MATN4: variants seen among roughly 807,000 people sequenced by gnomAD.
MATN4 encodes matrilin 4, also known as matrilin-4.
Under a neutral mutation model 54.6 loss-of-function variants are expected in MATN4, and 40 were observed. The observed-to-expected ratio is 0.73, with a 90% CI of 0.57 to 0.95. MATN4 has a LOEUF of 0.95. Among genes scored for constraint, MATN4 ranks in the 40% least tolerant of loss-of-function variants. The pLI, the probability that MATN4 is intolerant of heterozygous loss-of-function variation, is 0.00. For missense variants in MATN4, 810 were observed against 819.1 expected (o/e 0.99, Z 0.13); for synonymous variants, 351 against 345.3 (o/e 1.02, Z -0.18).
chr20:45,305,259 T>G (rs1473087647), intron 2 of MATN4, among the ~76,000 whole-genome samples: 3 of 152,092 alleles, frequency 2.0e-5, no homozygotes, highest in Non-Finnish European at 2.9e-5. Flanking sequence ...AATTTCCTGG[T>G]TTTTTTCCAT....
chr20:45,294,001 C>T lies in MATN4; in HGVS notation c.1594G>A (p.Ala532Thr), dbSNP rs1262980597. The T allele has an allele frequency of 1.2e-6, 2 of 1,601,840 alleles. No homozygotes were observed. Among genetic ancestry groups the T allele is most frequent in the East Asian group, 2.2e-5 (1 of 44,826 alleles). The change falls in exon 9 of 10, where the codon GCA (alanine) becomes ACA (threonine). Residue 532 changes from alanine (A) to threonine (T), a missense_variant. By Grantham distance (58) the Ala-to-Thr change is moderately conservative. Transcript: ENST00000372756. ...CATGGGCTCCGAAGCTCTGTCCCTG[C>T]GCTGATGCCCTCCTCTGCAAGCCGG... ...GSICPEEGIS[A>T]GTELRSPCEC...
At position 45,306,916 on chromosome 20, in the gene MATN4, A is replaced by C. The variant is rs760141710; in HGVS notation, c.-35+1259T>G. ...CGGGTGAGCGGCTGGGGCCCCGTGG[A>C]GCCACCATGGACCCCGCAGGGGCAG... On this transcript the variant is annotated intron_variant, in intron 1 of 9. Coordinates refer to ENST00000372756, the MANE Select transcript of MATN4 (RefSeq NM_001393530.1). 4 of 1,256,060 alleles carry C rather than the reference A, an allele frequency of 3.2e-6. No homozygotes were observed. The African/African-American group carries it at 4.6e-5, about 15-fold the overall frequency. The allele number at this position is 1,256,060 out of a possible 1,614,324, so 77.8% of individuals were successfully genotyped here. A position where few individuals can be genotyped will look rare whatever the true frequency, so the allele number is the denominator to read the frequency against.
In MATN4 at chr20:45,305,620, G is replaced by GA. The variant is rs1361318902; in HGVS notation, c.-34-5dup. The GA allele has an allele frequency of 6.9e-7, 1 of 1,439,088 alleles. No individual in the cohort carries two copies. The highest frequency in any genetic ancestry group is 9.6e-7 in the Non-Finnish European group (1 of 1,044,868). The allele number at this position is 1,439,088 out of a possible 1,614,324, so 89.1% of individuals were successfully genotyped here. ...CAGAGAATGGAGGTGTCAGAGCCTG[G>GA]AGGGAGGAAGGAAAATAGAAAAGCA... On this transcript the variant is annotated splice_region_variant and splice_polypyrimidine_tract_variant and intron_variant, in intron 1 of 9. Coordinates refer to ENST00000372756, the MANE Select transcript of MATN4 (RefSeq NM_001393530.1).
chr20:45,298,027 C>A lies in MATN4; in HGVS notation c.1470G>T (p.Ala490=). 6.2e-7 allele frequency: 1 copy of A among 1,613,914 alleles called. No individual in the cohort carries two copies. The highest frequency in any genetic ancestry group is 8.5e-7 in the Non-Finnish European group (1 of 1,179,948). ...YAVGVGKAVE[A]ELREIASEPA... is the part of the protein sequence containing the mutation. ...GCTCCGAGGCGATCTCGCGCAGCTC[C>A]GCCTCCACCGCCTTGCCCACGCCCA... Residue 490 remains alanine, a synonymous_variant, in exon 8 of 10, where the codon GCG becomes GCT. Transcript: ENST00000372756. This position sits in a 1 kb window ranked among gnomAD's most constrained non-coding sequence, Gnocchi z 4.6.
chr20:45,295,587 C>A (rs886352056), intron 8 of MATN4, among the ~76,000 whole-genome samples: 3 of 152,126 alleles, frequency 2.0e-5, no homozygotes, highest in African/African-American at 7.2e-5. Context: ...CGGGGTTTCA[C>A]TGTGTTAGCC....
rs538644436 is a variant in MATN4 at position 45,293,453 on chromosome 20, A to G, written c.*314T>C. On this transcript the variant is annotated 3_prime_UTR_variant, in exon 10 of 10. Transcript: ENST00000372756. ...CAAGACCCAAAAACGGACCCCGTGG[A>G]AATCAGTTTTTTTTATTTTTTTAAG... 5.0e-3 allele frequency: 1,543 copies of G among 306,404 alleles called. 10 individuals are homozygous for G. The highest frequency in any genetic ancestry group is 5.7e-3 in the Non-Finnish European group (959 of 168,826). 19.0% of individuals were successfully genotyped at this position (306,404 alleles called of 1,614,324 possible).
chr20:45,299,980 GGTGT>G (rs55652446), intron 6 of MATN4, among the ~76,000 whole-genome samples: 23 of 114,790 alleles, frequency 2.0e-4, no homozygotes, highest in Middle Eastern at 5.7e-3. Flanking sequence ...TGTGTGTAGG[GGTGT>G]GTGTGTGTGT....
chr20:45,308,260 G>C lies in MATN4; in HGVS notation c.-120C>G, dbSNP rs1343488138. On this transcript the variant is annotated 5_prime_UTR_variant, in exon 1 of 10. Coordinates refer to ENST00000372756, the MANE Select transcript of MATN4 (RefSeq NM_001393530.1). The stretch of plus-strand genomic sequence containing the variant: ...CCGGGCACTTGGACCAGGTAACGGC[G>C]GCGTGGCAGCGTGCCCTAGGTGGGG... 1 of 1,590,172 alleles carries C rather than the reference G, an allele frequency of 6.3e-7. No homozygotes were observed. The highest frequency in any genetic ancestry group is 8.6e-7 in the Non-Finnish European group (1 of 1,158,496).
intron 8 of MATN4, 102 bp from the exon 9 acceptor site, chr20:45,294,117 AT>A: frequency 1.1e-6 from 1 of 884,586 alleles, no homozygotes; most frequent in Non-Finnish European, 1.7e-6. Context: ...TGGGCTTTGG[AT>A]TTAGAGAGAC....
At chr20:45,304,184 T>C in intron 3 of MATN4, 44 bp downstream of exon 3, 5 of 1,417,116 alleles carry the variant, frequency 3.5e-6, no homozygotes, top group Non-Finnish European at 4.7e-6. Context: ...TCCAAGCATT[T>C]GGATTGAGAG....
rs1052398347 is a variant in MATN4 at position 45,308,238 on chromosome 20, G to C, written c.-98C>G. On this transcript the variant is annotated 5_prime_UTR_variant, in exon 1 of 10. Coordinates refer to ENST00000372756, the MANE Select transcript of MATN4 (RefSeq NM_001393530.1). ...CGAAGCCGACAGGCGGAGCCTCCCG[G>C]GCACTTGGACCAGGTAACGGCGGCG... is the stretch of plus-strand genomic sequence containing the variant. 6.2e-7 allele frequency: 1 copy of C among 1,613,032 alleles called. No individual in the cohort carries two copies. The highest frequency in any genetic ancestry group is 1.3e-5 in the African/African-American group (1 of 74,910).
chr20:45,304,459 C>T lies in MATN4; in HGVS notation c.412G>A (p.Val138Met), dbSNP rs901909225. The change falls in exon 3 of 10, where the codon GTG becomes ATG. Residue 138 changes from valine to methionine, a missense_variant. Coordinates refer to ENST00000372756, the MANE Select transcript of MATN4 (RefSeq NM_001393530.1). ...AEGARPPEER[V>M]PRVAVIVTDG... ...GTCACGATGACAGCGACACGCGGCA[C>T]GCGCTCCTCTGGCGGTCGCGCGCCC... 5 of 1,561,944 alleles carry T rather than the reference C, an allele frequency of 3.2e-6. No individual in the cohort carries two copies. In the African/African-American group the frequency reaches 5.4e-5, roughly 17 times the overall value.
Position 45,298,313 on chromosome 20 carries a change from A to G in MATN4, c.1283T>C (p.Leu428Ser), listed in dbSNP as rs1248841550. 3 of 1,613,478 alleles carry G rather than the reference A, an allele frequency of 1.9e-6. No individual in the cohort carries two copies. In the South Asian group the frequency reaches 3.3e-5, roughly 18 times the overall value. ...MERGTMTGLA[L>S]RHMVEHSFSE... Reference sequence around the variant, plus strand: ...GAAGCTGTGCTCCACCATGTGCCGCAACGCCAGCCCTGTCATGGTGCCGCG... The same window carrying G: ...GAAGCTGTGCTCCACCATGTGCCGCGACGCCAGCCCTGTCATGGTGCCGCG... Residue 428 changes from leucine to serine, a missense_variant, in exon 7 of 10, where the codon TTG becomes TCG. Leu to Ser is a moderately radical substitution (Grantham distance 145, BLOSUM62 -2). Transcript: ENST00000372756. The surrounding 1 kb of genome is among the most constrained non-coding windows in gnomAD (Gnocchi z 4.6).
At chr20:45,303,509 T>C (rs1192642339) in intron 3 of MATN4, 14 of 711,274 alleles carry the variant, frequency 2.0e-5, no homozygotes, top group Middle Eastern at 2.3e-4. Flanking sequence ...CACTGGTCCT[T>C]CCCTGAGGAC....
chr20:45,299,663 A>C (rs1248759177), intron 6 of MATN4, among the ~76,000 whole-genome samples: 1 of 151,792 alleles, frequency 6.6e-6, no homozygotes, highest in Non-Finnish European at 1.5e-5. Flanking sequence ...AGATCACTTG[A>C]GGTTAGGAGT....
At chr20:45,307,345 A>C (rs733380) in intron 1 of MATN4, among the ~76,000 whole-genome samples, 1 of 151,972 alleles carries the variant, frequency 6.6e-6, no homozygotes, top group Non-Finnish European at 1.5e-5. Context: ...CGACCTTCTC[A>C]TCCCGGATTC....
intron 1 of MATN4, 73 bp from the exon 2 acceptor site, chr20:45,305,689 G>A (rs1986572432): frequency 1.5e-6 from 1 of 672,254 alleles, no homozygotes; most frequent in African/African-American, 1.8e-5. Context: ...GGCACTTGGA[G>A]GGGGAAGACA....
At position 45,301,266 on chromosome 20, in the gene MATN4, G is replaced by A. The variant is rs570885647; in HGVS notation, c.767-42C>T. The A allele has an allele frequency of 7.4e-6, 12 of 1,613,156 alleles. No homozygotes were observed. The South Asian group carries it at 1.2e-4, about 16-fold the overall frequency. On this transcript the variant is annotated intron_variant, in intron 4 of 9. Transcript: ENST00000372756. ...AACAGCAAGATGTTGCCTCTGATTGGAGCCCTCGGAGGCCACAGTCCAGGG... is the reference window on the plus strand; with the variant it reads ...AACAGCAAGATGTTGCCTCTGATTGAAGCCCTCGGAGGCCACAGTCCAGGG...
At chr20:45,305,111 C>A (rs1246856940) in intron 2 of MATN4, among the ~76,000 whole-genome samples, 10 of 152,100 alleles carry the variant, frequency 6.6e-5, no homozygotes, top group Non-Finnish European at 1.3e-4. Context: ...TGGGTTAGGA[C>A]GCTGGAGACC....
Sources: allele counts gnomAD v4.1 joint callset (sites outside exome capture counted in the v4.1 genomes callset), GRCh38; gene constraint gnomAD v4.1.1; non-coding constraint Gnocchi (gnomAD v3.1); transcripts MANE v1.5; gene names NCBI Gene and HGNC (gene_info 2026-07-23, HGNC 2026-07-21).